SYT1: variants seen among roughly 807,000 people sequenced by gnomAD.
The protein encoded by SYT1 is synaptotagmin-1.
In SYT1, 8 loss-of-function variants were observed where a neutral mutation model predicts 44.8. That is an observed-to-expected ratio of 0.18 (90% confidence interval 0.10 to 0.32). SYT1 has a LOEUF of 0.32. Among genes scored for constraint, SYT1 ranks in the 10% least tolerant of loss-of-function variants. The pLI, the probability that SYT1 is intolerant of heterozygous loss-of-function variation, is 1.00. For synonymous variants in SYT1, 154 were observed against 188.8 expected (o/e 0.82, Z 1.51); for missense variants, 286 against 509.3 (o/e 0.56, Z 4.22).
At chr12:79,133,269 T>C (rs1868970586) in intron 3 of SYT1, among the ~76,000 whole-genome samples, 1 of 151,932 alleles carries the variant, frequency 6.6e-6, no homozygotes, top group South Asian at 2.1e-4. Flanking sequence ...CTGTAATCCC[T>C]GCACTTTGGG....
intron 8 of SYT1, among the ~76,000 whole-genome samples, chr12:79,337,820 A>G (rs747138261): frequency 6.6e-6 from 1 of 152,234 alleles, no homozygotes; most frequent in Non-Finnish European, 1.5e-5. Context: ...CATGTTGCCC[A>G]TATTTCAAAA....
chr12:79,340,539 G>C (rs914586173), intron 8 of SYT1, among the ~76,000 whole-genome samples: 1 of 152,184 alleles, frequency 6.6e-6, no homozygotes, highest in Admixed American at 6.5e-5. Flanking sequence ...GACTGCTGAA[G>C]TTGCTTATCA....
chr12:79,190,015 CACTGG>C (rs754851154), intron 3 of SYT1, among the ~76,000 whole-genome samples: 6 of 152,264 alleles, frequency 3.9e-5, no homozygotes, highest in Admixed American at 2.6e-4. Context: ...CTCTTTTAAT[CACTGG>C]ACTGTATTTT....
At chr12:79,293,370 TAAAA>T (rs1565894493) in intron 6 of SYT1, among the ~76,000 whole-genome samples, 39 of 138,778 alleles carry the variant, frequency 2.8e-4, no homozygotes, top group African/African-American at 6.7e-4. Flanking sequence ...TAAAATAAAA[TAAAA>T]TAAAATAAAA....
At chr12:79,198,802 C>T (rs547022977) in intron 3 of SYT1, among the ~76,000 whole-genome samples, 70 of 152,220 alleles carry the variant, frequency 4.6e-4, no homozygotes, top group African/African-American at 1.7e-3. Context: ...GCTTTTCTTT[C>T]CTTCATTCCT....
chr12:79,176,701 A>G (rs1412358606), intron 3 of SYT1, among the ~76,000 whole-genome samples: 1 of 152,038 alleles, frequency 6.6e-6, no homozygotes, highest in Non-Finnish European at 1.5e-5. Flanking sequence ...ACACACATAT[A>G]CCTTTGCTTA....
chr12:79,145,959 G>A (rs531760613), intron 3 of SYT1, among the ~76,000 whole-genome samples: 20 of 151,764 alleles, frequency 1.3e-4, no homozygotes, highest in African/African-American at 4.8e-4. Flanking sequence ...GGGTTTCACC[G>A]TTTTAGCCGG....
chr12:78,887,507 T>G (rs1392952024), intron 1 of SYT1, among the ~76,000 whole-genome samples: 1 of 151,860 alleles, frequency 6.6e-6, no homozygotes, highest in African/African-American at 2.4e-5. Context: ...TAAGAATAAA[T>G]CTATTCATGA....
At chr12:79,040,023 T>A (rs574209842) in intron 2 of SYT1, among the ~76,000 whole-genome samples, 108 of 151,760 alleles carry the variant, frequency 7.1e-4, no homozygotes, top group African/African-American at 2.6e-3. Flanking sequence ...AGTCTATCAT[T>A]GTTGGACATT....
chr12:78,866,717 C>A (rs1873564142), intron 1 of SYT1, among the ~76,000 whole-genome samples: 1 of 152,176 alleles, frequency 6.6e-6, no homozygotes, highest in South Asian at 2.1e-4. Flanking sequence ...GAGAAATCCA[C>A]AGATGTTAGT....
At chr12:79,055,461 T>C (rs1389812768) in intron 3 of SYT1, among the ~76,000 whole-genome samples, 1 of 152,064 alleles carries the variant, frequency 6.6e-6, no homozygotes, top group Non-Finnish European at 1.5e-5. Context: ...TTTAGCTATA[T>C]GAATTATTAG....
chr12:78,975,191 G>A (rs553037964), intron 1 of SYT1, among the ~76,000 whole-genome samples: 1 of 145,294 alleles, frequency 6.9e-6, no homozygotes, highest in East Asian at 2.1e-4. Flanking sequence ...AGTTCTCCAT[G>A]AGGTTCCTCT....
chr12:79,431,512 TATTATTTA>T (rs1205837681), intron 9 of SYT1, among the ~76,000 whole-genome samples: 92 of 49,368 alleles, frequency 1.9e-3, no homozygotes, highest in South Asian at 0.016. Flanking sequence ...TATTTTATTT[TATTATTTA>T]TTTATTTATT....
chr12:79,370,516 A>C (rs944052817), intron 9 of SYT1, among the ~76,000 whole-genome samples: 16 of 152,234 alleles, frequency 1.1e-4, no homozygotes, highest in African/African-American at 3.9e-4. Flanking sequence ...TAATCCCAGC[A>C]CTTTGGGAGG....
intron 2 of SYT1, among the ~76,000 whole-genome samples, chr12:78,982,893 A>C (rs977639940): frequency 2.6e-5 from 4 of 152,110 alleles, no homozygotes; most frequent in Non-Finnish European, 5.9e-5. Flanking sequence ...TTGTTTCTTC[A>C]ATGTTTTTAT....
chr12:78,942,059 C>A (rs1344253734), intron 1 of SYT1, among the ~76,000 whole-genome samples: 1 of 152,198 alleles, frequency 6.6e-6, no homozygotes, highest in Non-Finnish European at 1.5e-5. Flanking sequence ...TTGTGGAGAA[C>A]CCTTCAATAT....
Position 79,319,183 on chromosome 12 carries a change from G to A in SYT1, c.810+19632G>A, listed in dbSNP as rs565707322. 3.3e-5 allele frequency among the ~76,000 whole-genome samples: 5 copies of A among 152,190 alleles called. No individual in the cohort carries two copies. In the South Asian group the frequency reaches 1.0e-3, roughly 32 times the overall value. ...TTTTGGTTTAAAAAATGCCATTTTTGTTTCTTTTTGGTAAACAGTGCTCTC... is the reference window on the plus strand; with the variant it reads ...TTTTGGTTTAAAAAATGCCATTTTTATTTCTTTTTGGTAAACAGTGCTCTC... On this transcript the variant is annotated intron_variant, in intron 8 of 10. Transcript: ENST00000261205.
intron 9 of SYT1, among the ~76,000 whole-genome samples, chr12:79,421,869 T>C (rs1869143965): frequency 6.6e-6 from 1 of 152,096 alleles, no homozygotes; most frequent in African/African-American, 2.4e-5. Flanking sequence ...GTATGTTCTT[T>C]CAATCTATAA....
Position 78,965,906 on chromosome 12 carries a change from G to T in SYT1, c.-216-11893G>T, listed in dbSNP as rs189322048. Among the ~76,000 whole-genome samples, 377 of 151,900 alleles carry T rather than the reference G, an allele frequency of 2.5e-3. 1 individual carries two copies. Among genetic ancestry groups the T allele is most frequent in the Middle Eastern group, 6.8e-3 (2 of 294 alleles). The stretch of plus-strand genomic sequence containing the variant: ...AGCCTGACCAAGATGTTGAAACCCC[G>T]TCTCTACTAAAAATACAAAAATTAG... On this transcript the variant is annotated intron_variant, in intron 1 of 10. Transcript: ENST00000261205.
Sources: gnomAD v4.1 joint callset for allele counts (sites outside exome capture counted in the v4.1 genomes callset) on GRCh38, gnomAD v4.1.1 for gene constraint, MANE v1.5 for transcripts, NCBI Gene and HGNC (gene_info 2026-07-23, HGNC 2026-07-21) for gene names.